The following RBFOX1 variants were observed in gnomAD, a reference collection of about 807,000 sequenced individuals.
RBFOX1 encodes RNA binding protein fox-1 homolog 1.
A neutral mutation model predicts 57.7 loss-of-function variants in RBFOX1; 8 were observed. That is an observed-to-expected ratio of 0.14 (90% CI 0.08 to 0.25). RBFOX1 has a LOEUF of 0.25. Among genes scored for constraint, RBFOX1 ranks in the 10% least tolerant of loss-of-function variants. The pLI, the probability that RBFOX1 is intolerant of heterozygous loss-of-function variation, is 1.00. For missense variants in RBFOX1, 611 were observed against 548.5 expected, an observed-to-expected ratio of 1.11 and a Z score of -1.14; for synonymous variants, 326 against 222.4, an observed-to-expected ratio of 1.47 and a Z score of -4.15.
intron 3 of RBFOX1, among the ~76,000 whole-genome samples, chr16:7,021,753 A>G (rs1259702500): frequency 6.6e-6 from 1 of 150,824 alleles, no homozygotes; most frequent in Non-Finnish European, 1.5e-5. Context: ...AAACAAGAGT[A>G]ACAGTTTTTA....
At chr16:6,859,009 G>A (rs2058404103) in intron 3 of RBFOX1, among the ~76,000 whole-genome samples, 2 of 150,736 alleles carry the variant, frequency 1.3e-5, no homozygotes, top group Admixed American at 6.6e-5. Context: ...AGGTCACAGG[G>A]ATGTGTACCT....
At position 5,832,493 on chromosome 16, in the gene RBFOX1, G is replaced by C. The variant is rs571558490; in HGVS notation, c.319-34810G>C. 1.3e-3 allele frequency among the ~76,000 whole-genome samples: 205 copies of C among 152,268 alleles called. 2 individuals carry two copies. The highest frequency in any genetic ancestry group is 4.6e-3 in the African/African-American group (189 of 41,536). ...AAATTGATAATAGTCCCAGCTCTTG[G>C]GGCTGTTTCAAGGGTTATTTTATGC... On this transcript the variant is annotated intron_variant, in intron 3 of 19. Coordinates refer to the RBFOX1 transcript ENST00000641259.
At chr16:6,987,191 A>G (rs932906876) in intron 3 of RBFOX1, among the ~76,000 whole-genome samples, 2 of 152,140 alleles carry the variant, frequency 1.3e-5, no homozygotes, top group Admixed American at 1.3e-4. Context: ...TGTTTTGCCA[A>G]GTCTTGATTA....
chr16:5,797,949 CA>C (rs1449819286), intron 3 of RBFOX1, among the ~76,000 whole-genome samples: 1 of 152,148 alleles, frequency 6.6e-6, no homozygotes, highest in Non-Finnish European at 1.5e-5. Flanking sequence ...AAGAGATGCT[CA>C]GTAAATATGC....
chr16:7,681,089 T>C (rs898977381), intron 14 of RBFOX1, among the ~76,000 whole-genome samples: 1 of 152,150 alleles, frequency 6.6e-6, no homozygotes, highest in Non-Finnish European at 1.5e-5. Context: ...CAGAGACAGA[T>C]TTGTGTTTCT....
chr16:7,518,499 C>A, intron 5 of RBFOX1, 110 bp downstream of exon 5: 2 of 1,441,574 alleles, frequency 1.4e-6, no homozygotes, highest in Non-Finnish European at 1.8e-6. Flanking sequence ...GGAAACAGAT[C>A]AGTCCCTAAG....
At chr16:6,155,996 ACT>A (rs1302045769) in intron 1 of RBFOX1, among the ~76,000 whole-genome samples, 1 of 152,024 alleles carries the variant, frequency 6.6e-6, no homozygotes, top group Non-Finnish European at 1.5e-5. Flanking sequence ...GTGAGTTAGA[ACT>A]CTGTTTCTTG....
intron 1 of RBFOX1, among the ~76,000 whole-genome samples, chr16:5,273,873 A>T (rs1319369291): frequency 2.0e-5 from 3 of 152,204 alleles, no homozygotes; most frequent in Non-Finnish European, 4.4e-5. Context: ...ACATAAGCCC[A>T]TGGAGAAGGG....
At chr16:6,043,041 C>G (rs1256025239) in intron 1 of RBFOX1, among the ~76,000 whole-genome samples, 2 of 143,832 alleles carry the variant, frequency 1.4e-5, no homozygotes, top group Admixed American at 7.3e-5. Flanking sequence ...TCGCTTGAAC[C>G]TGGGAGGCAG....
In RBFOX1 at chr16:7,012,142, A is replaced by G. The variant is rs1596969145; in HGVS notation, c.-15-39915A>G. Among the ~76,000 whole-genome samples the G allele has an allele frequency of 2.0e-5, 3 of 152,228 alleles. No homozygotes were observed. In the South Asian group the frequency reaches 6.2e-4, roughly 31 times the overall value. On this transcript the variant is annotated intron_variant, in intron 3 of 15. Transcript: ENST00000550418. The stretch of plus-strand genomic sequence containing the variant: ...TCCAGCAAAGATCTAGAATAATCAT[A>G]GGATGAGACTATGATCACTATCATT...
intron 3 of RBFOX1, among the ~76,000 whole-genome samples, chr16:5,637,021 G>T (rs2048704829): frequency 6.6e-6 from 1 of 152,148 alleles, no homozygotes; most frequent in South Asian, 2.1e-4. Flanking sequence ...GCTTCAAGGG[G>T]TGAAGCTCTG....
At chr16:6,859,112 TATATATATATATATATAC>T (rs2058430330) in intron 3 of RBFOX1, among the ~76,000 whole-genome samples, 3 of 63,374 alleles carry the variant, frequency 4.7e-5, no homozygotes, top group South Asian at 5.0e-4. Flanking sequence ...AAAAAAAGTG[TATATATATATATATATAC>T]ATATATATAC....
intron 14 of RBFOX1, among the ~76,000 whole-genome samples, chr16:7,705,649 A>G (rs907954866): frequency 3.3e-5 from 5 of 152,246 alleles, no homozygotes; most frequent in Non-Finnish European, 7.3e-5. Context: ...GAAGGGTTTT[A>G]AGCGGGGAGT....
chr16:7,109,751 C>T (rs74432766), intron 4 of RBFOX1, among the ~76,000 whole-genome samples: 1 of 152,070 alleles, frequency 6.6e-6, no homozygotes, highest in Non-Finnish European at 1.5e-5. Flanking sequence ...TCCAAAAAAT[C>T]GAGATGACTC....
At position 6,097,610 on chromosome 16, in the gene RBFOX1, G is replaced by A. The variant is rs549407009; in HGVS notation, c.-127+77618G>A. Among the ~76,000 whole-genome samples the A allele has an allele frequency of 1.3e-5, 2 of 152,144 alleles. No individual in the cohort carries two copies. The highest frequency in any genetic ancestry group is 4.1e-4 in the South Asian group (2 of 4,832). ...CTTTCATTATTCTCATTTCACAGAT[G>A]AGAAAAATGAGTCAGTAGGAGGAAA... On this transcript the variant is annotated intron_variant, in intron 1 of 15. Transcript: ENST00000550418. The surrounding 1 kb of genome is among the most constrained non-coding windows in gnomAD (Gnocchi z 5.0).
At chr16:6,027,497 C>G (rs911564500) in intron 1 of RBFOX1, among the ~76,000 whole-genome samples, 4 of 152,178 alleles carry the variant, frequency 2.6e-5, no homozygotes, top group African/African-American at 9.7e-5. Flanking sequence ...AAGTCCATAA[C>G]CTTTCACTTT....
At chr16:5,838,704 A>G (rs1244930839) in intron 3 of RBFOX1, 1 of 152,176 alleles carries the variant, frequency 6.6e-6, no homozygotes, top group South Asian at 2.1e-4. Context: ...CAAAGTGGGA[A>G]TTTGGATGGA....
chr16:5,905,720 A>G (rs1162585073), intron 4 of RBFOX1, among the ~76,000 whole-genome samples: 3 of 152,126 alleles, frequency 2.0e-5, no homozygotes, highest in African/African-American at 4.8e-5. Context: ...AGAAGACAGC[A>G]TCTAGAAGCC....
chr16:7,216,402 C>G (rs1231171669), intron 4 of RBFOX1, among the ~76,000 whole-genome samples: 1 of 152,160 alleles, frequency 6.6e-6, no homozygotes, highest in Non-Finnish European at 1.5e-5. Context: ...TGCCTGTAAT[C>G]CCAGCACTTT....
Sources: gnomAD v4.1 joint callset for allele counts (sites outside exome capture counted in the v4.1 genomes callset) on GRCh38, gnomAD v4.1.1 for gene constraint, Gnocchi (gnomAD v3.1) non-coding constraint, MANE v1.5 for transcripts, NCBI Gene and HGNC (gene_info 2026-07-23, HGNC 2026-07-21) for gene names.